TENM3: variants seen among roughly 807,000 people sequenced by gnomAD.
TENM3 encodes the protein teneurin transmembrane protein 3, also known as teneurin-3.
TENM3 carries 63 observed loss-of-function variants against 255.1 expected under a neutral mutation model. The observed-to-expected ratio is 0.25, with a 90% CI of 0.20 to 0.30. The LOEUF is 0.30. Among genes scored for constraint, TENM3 ranks in the 10% least tolerant of loss-of-function variants. The probability of loss-of-function intolerance (pLI) is 1.00; values close to 1 mark genes in which losing one functional copy is unlikely to be tolerated. For synonymous variants in TENM3, 1,306 were observed against 1,322.3 expected, an observed-to-expected ratio of 0.99 and a Z score of 0.27; for missense variants, 2,929 against 3,461.1, an observed-to-expected ratio of 0.85 and a Z score of 3.86.
At chr4:182,570,519 A>C (rs1744248792) in intron 3 of TENM3, among the ~76,000 whole-genome samples, 1 of 152,198 alleles carries the variant, frequency 6.6e-6, no homozygotes, top group South Asian at 2.1e-4. Flanking sequence ...CTAGGATTCA[A>C]ACCCACACCA....
At chr4:182,001,167 G>A in the TENM3 span, among the ~76,000 whole-genome samples, 22 of 151,196 alleles carry the variant, frequency 1.5e-4, no homozygotes, top group African/African-American at 5.3e-4. Context: ...ACCTGTTTGC[G>A]GTCAACCAGT....
At chr4:181,480,657 T>A in the TENM3 span, among the ~76,000 whole-genome samples, 11 of 151,778 alleles carry the variant, frequency 7.2e-5, no homozygotes, top group Non-Finnish European at 1.5e-4. Context: ...AAGCTTTGTA[T>A]ATATGGAGAT....
chr4:181,973,959 G>T, the TENM3 span, among the ~76,000 whole-genome samples: 1 of 152,160 alleles, frequency 6.6e-6, no homozygotes, highest in South Asian at 2.1e-4. Context: ...CACCGGCAGG[G>T]GTAGGCTGGG....
the TENM3 span, among the ~76,000 whole-genome samples, chr4:181,621,348 A>ATTTG: frequency 6.6e-6 from 1 of 152,208 alleles, no homozygotes; most frequent in African/African-American, 2.4e-5. Flanking sequence ...CAAGAAAAAT[A>ATTTG]TTTGTTTAAT....
At chr4:182,708,574 T>C (rs10006817) in intron 12 of TENM3, among the ~76,000 whole-genome samples, 151,015 of 152,194 alleles carry the variant, frequency 0.99, 74,935 homozygotes, top group East Asian at 1. Flanking sequence ...CCGAGGAGGG[T>C]GGATCATGAG....
At chr4:181,908,036 C>A in the TENM3 span, among the ~76,000 whole-genome samples, 1 of 152,072 alleles carries the variant, frequency 6.6e-6, no homozygotes. Flanking sequence ...TATACAAGTT[C>A]TATTTTTAAA....
At chr4:182,048,751 G>C in the TENM3 span, among the ~76,000 whole-genome samples, 1 of 151,728 alleles carries the variant, frequency 6.6e-6, no homozygotes, top group Non-Finnish European at 1.5e-5. Context: ...TTTTCCAGCA[G>C]AGCAGCAACC....
At chr4:182,067,899 G>T in the TENM3 span, among the ~76,000 whole-genome samples, 1 of 151,586 alleles carries the variant, frequency 6.6e-6, no homozygotes, top group African/African-American at 2.4e-5. Context: ...TTTTTTTCCA[G>T]TGCAGTCACA....
At chr4:181,934,143 TGAAGA>T in the TENM3 span, among the ~76,000 whole-genome samples, 1 of 151,708 alleles carries the variant, frequency 6.6e-6, no homozygotes, top group Non-Finnish European at 1.5e-5. Flanking sequence ...CTAATTGAAG[TGAAGA>T]GTTTAATGGA....
chr4:182,785,569 G>C (rs192644008), intron 24 of TENM3, among the ~76,000 whole-genome samples: 1 of 151,374 alleles, frequency 6.6e-6, no homozygotes. Context: ...TTAGCCAGGC[G>C]TGGTGGCGCA....
chr4:182,738,845 C>T (rs1184081215), intron 18 of TENM3, among the ~76,000 whole-genome samples: 1 of 151,374 alleles, frequency 6.6e-6, no homozygotes, highest in African/African-American at 2.4e-5. Flanking sequence ...GAGTGGGAGT[C>T]GTCAGCACAG....
At chr4:181,763,773 T>C in the TENM3 span, among the ~76,000 whole-genome samples, 1 of 152,234 alleles carries the variant, frequency 6.6e-6, no homozygotes, top group Admixed American at 6.5e-5. Flanking sequence ...CTCAAGTTAA[T>C]TCTAAAACAA....
chr4:182,435,173 C>G (rs1176696985), intron 3 of TENM3, among the ~76,000 whole-genome samples: 2 of 152,162 alleles, frequency 1.3e-5, no homozygotes, highest in African/African-American at 4.8e-5. Context: ...CTGGTGGTCT[C>G]TCCGGTTCCA....
At chr4:181,741,212 G>A in the TENM3 span, among the ~76,000 whole-genome samples, 49 of 152,236 alleles carry the variant, frequency 3.2e-4, no homozygotes, top group Non-Finnish European at 6.3e-4. Context: ...AGTTATTTAG[G>A]TGCATTGAGA....
intron 3 of TENM3, among the ~76,000 whole-genome samples, chr4:182,489,019 T>A (rs1214667891): frequency 6.6e-6 from 1 of 152,130 alleles, no homozygotes; most frequent in African/African-American, 2.4e-5. Context: ...GACTTTCTAC[T>A]CTTCATTTTT....
At chr4:182,251,420 A>G (rs1455562257) in intron 1 of TENM3, among the ~76,000 whole-genome samples, 6 of 152,180 alleles carry the variant, frequency 3.9e-5, no homozygotes. Flanking sequence ...GTGAGCCATG[A>G]TCACACCACT....
chr4:182,570,567 C>T (rs1214971664), intron 3 of TENM3, among the ~76,000 whole-genome samples: 1 of 152,052 alleles, frequency 6.6e-6, no homozygotes, highest in Non-Finnish European at 1.5e-5. Flanking sequence ...TGGAAAGGGC[C>T]GGCCGGGCGT....
chr4:181,678,365 G>A, the TENM3 span, among the ~76,000 whole-genome samples: 1 of 152,054 alleles, frequency 6.6e-6, no homozygotes, highest in Admixed American at 6.6e-5. Context: ...GGTTGGTAGG[G>A]CTTATGACAG....
the TENM3 span, among the ~76,000 whole-genome samples, chr4:181,497,921 T>C: frequency 6.6e-6 from 1 of 152,230 alleles, no homozygotes; most frequent in Non-Finnish European, 1.5e-5. Flanking sequence ...AATGGTGTTT[T>C]CAAATAGAAA....
Sources: allele counts gnomAD v4.1 joint callset (sites outside exome capture counted in the v4.1 genomes callset), GRCh38; gene constraint gnomAD v4.1.1; transcripts MANE v1.5; gene names NCBI Gene and HGNC (gene_info 2026-07-23, HGNC 2026-07-21).